RP1: variants seen among roughly 807,000 people sequenced by gnomAD.
The protein encoded by RP1 is RP1 axonemal microtubule associated, also known as oxygen-regulated protein 1.
A neutral mutation model predicts 14.8 loss-of-function variants in RP1; 16 were observed. The observed-to-expected ratio is 1.08, with a 90% CI of 0.73 to 1.65. The LOEUF is 1.65. RP1 is among the 40% of genes most tolerant of loss of function. The pLI is 0.00. For missense variants in RP1, 2,631 were observed against 2,535.0 expected, an observed-to-expected ratio of 1.04 and a Z score of -0.81; for synonymous variants, 876 against 883.6, an observed-to-expected ratio of 0.99 and a Z score of 0.15.
At chr8:54,821,758 G>A (rs1219506159) in intron 24 of RP1, among the ~76,000 whole-genome samples, 2 of 152,084 alleles carry the variant, frequency 1.3e-5, no homozygotes, top group Admixed American at 6.5e-5. Flanking sequence ...GCAGCTGTTC[G>A]TTCATCTACC....
intron 28 of RP1, among the ~76,000 whole-genome samples, chr8:54,869,426 T>C (rs952948677): frequency 2.0e-5 from 3 of 152,358 alleles, no homozygotes; most frequent in Non-Finnish European, 4.4e-5. Context: ...CTTCTTTCCA[T>C]ATATGGTTTG....
intron 5 of RP1, among the ~76,000 whole-genome samples, chr8:54,654,185 T>A (rs1806711525): frequency 6.6e-6 from 1 of 152,218 alleles, no homozygotes; most frequent in African/African-American, 2.4e-5. Flanking sequence ...TTTGCCAAAT[T>A]AGATATTGGT....
upstream of RP1, among the ~76,000 whole-genome samples, chr8:54,613,317 T>C (rs1805640366): frequency 2.0e-5 from 3 of 152,198 alleles, no homozygotes; most frequent in Non-Finnish European, 2.9e-5. Context: ...CTTCCTGATA[T>C]AGTCTGATCT....
chr8:54,628,693 A>G lies in RP1; in HGVS notation c.4811A>G (p.Tyr1604Cys). The change falls in exon 4 of 4, where the codon TAT becomes TGT. Residue 1604 changes from tyrosine to cysteine, a missense_variant. Tyr to Cys is a radical substitution (Grantham distance 194, BLOSUM62 -2). Transcript: ENST00000220676. ...YRPDSDSEQP[Y>C]KTSSDDPNDS... ...CCTGACAGTGACAGTGAGCAGCCAT[A>G]TAAAACATCCAGTGATGATCCCAAT... is the stretch of plus-strand genomic sequence containing the variant. 6.2e-7 allele frequency: 1 copy of G among 1,614,104 alleles called. No individual in the cohort carries two copies. The highest frequency in any genetic ancestry group is 8.5e-7 in the Non-Finnish European group (1 of 1,179,966).
intron 1 of RP1, among the ~76,000 whole-genome samples, chr8:54,583,887 C>CTCTAT (rs1804855458): frequency 1.3e-5 from 2 of 152,094 alleles, no homozygotes; most frequent in Non-Finnish European, 2.9e-5. Context: ...TGATTCTTCT[C>CTCTAT]TCTTTTCTTC....
chr8:54,786,496 T>C (rs1016379736), intron 24 of RP1, among the ~76,000 whole-genome samples: 3 of 151,994 alleles, frequency 2.0e-5, no homozygotes, highest in Non-Finnish European at 4.4e-5. Context: ...AGGTTGCCAG[T>C]TTTCAAGACT....
chr8:54,606,159 A>G (rs562608517), intron 1 of RP1, among the ~76,000 whole-genome samples: 2 of 152,140 alleles, frequency 1.3e-5, no homozygotes, highest in East Asian at 3.9e-4. Context: ...ACAATTTGGC[A>G]TGTTTTTGCA....
At chr8:54,599,340 C>A (rs988501211) in intron 1 of RP1, among the ~76,000 whole-genome samples, 1 of 151,996 alleles carries the variant, frequency 6.6e-6, no homozygotes, top group Non-Finnish European at 1.5e-5. Flanking sequence ...TCTATTATTT[C>A]GTTTGTTTCA....
downstream of RP1, chr8:54,770,077 A>G: frequency 6.9e-6 from 3 of 432,940 alleles, no homozygotes; most frequent in Non-Finnish European, 8.1e-6. Flanking sequence ...TTACAATGTC[A>G]TCAGACAGAT....
intron 24 of RP1, among the ~76,000 whole-genome samples, chr8:54,791,546 A>G (rs183399351): frequency 6.6e-6 from 1 of 152,286 alleles, no homozygotes; most frequent in Non-Finnish European, 1.5e-5. Flanking sequence ...GCTATTAGAT[A>G]TACATAAAAT....
chr8:54,611,995 G>T (rs992837679), upstream of RP1, among the ~76,000 whole-genome samples: 1 of 151,210 alleles, frequency 6.6e-6, no homozygotes, highest in African/African-American at 2.4e-5. Context: ...AGAAGCTTAT[G>T]GTATTCAGGT....
At chr8:54,767,423 G>A (rs1040195042) in intron 22 of RP1, among the ~76,000 whole-genome samples, 6 of 151,052 alleles carry the variant, frequency 4.0e-5, no homozygotes, top group South Asian at 2.1e-4. Flanking sequence ...TCAGTGGAGC[G>A]ATCTCAGCCT....
In RP1 at chr8:54,789,786, G is replaced by A. The variant is rs553109588; in HGVS notation, c.3615+6076G>A. Among the ~76,000 whole-genome samples, 222 of 152,320 alleles carry A rather than the reference G, an allele frequency of 1.5e-3. 1 individual carries two copies. Among genetic ancestry groups the A allele is most frequent in the Non-Finnish European group, 2.2e-3 (150 of 68,026 alleles). ...CAGATTCTCCCAAACTGAGAGCCCA[G>A]TAGAGGTCCTCACTGACTGTGGAGC... On this transcript the variant is annotated intron_variant, in intron 24 of 28. Transcript: ENST00000637698.
intron 19 of RP1, among the ~76,000 whole-genome samples, chr8:54,739,566 T>C (rs1193012996): frequency 1.3e-5 from 2 of 152,244 alleles, no homozygotes; most frequent in East Asian, 1.9e-4. Flanking sequence ...AAGAATACGG[T>C]GAAGTGTAAG....
intron 25 of RP1, among the ~76,000 whole-genome samples, chr8:54,838,622 A>G (rs1811721939): frequency 6.6e-6 from 1 of 151,864 alleles, no homozygotes. Context: ...TATGTGTATG[A>G]GTGTGTGCAT....
intron 16 of RP1, among the ~76,000 whole-genome samples, chr8:54,725,421 T>A (rs956265837): frequency 6.6e-6 from 1 of 152,188 alleles, no homozygotes; most frequent in Admixed American, 6.5e-5. Flanking sequence ...AAATGATATC[T>A]TATAACACCT....
At chr8:54,769,608 C>T in intron 22 of RP1, 1 of 644,252 alleles carries the variant, frequency 1.6e-6, no homozygotes. Flanking sequence ...ATATAAAAAG[C>T]AACTTTATAG....
chr8:54,751,545 T>C (rs1051104801), intron 19 of RP1, among the ~76,000 whole-genome samples: 6 of 152,266 alleles, frequency 3.9e-5, no homozygotes, highest in African/African-American at 1.2e-4. Context: ...TCTATCTTAA[T>C]GTATGCATAG....
chr8:54,624,549 A>G, intron 3 of RP1, 121 bp from the exon 4 acceptor site: 1 of 899,918 alleles, frequency 1.1e-6, no homozygotes, highest in Non-Finnish European at 1.8e-6. Flanking sequence ...TACTTTTCAT[A>G]CTAATCATTT....
Sources: gnomAD v4.1 joint callset for allele counts (sites outside exome capture counted in the v4.1 genomes callset) on GRCh38, gnomAD v4.1.1 for gene constraint, MANE v1.5 for transcripts, NCBI Gene and HGNC (gene_info 2026-07-23, HGNC 2026-07-21) for gene names.